Variants in TMEM132C observed in about 807,000 individuals in gnomAD.
TMEM132C encodes protein phosphatase 1, regulatory subunit 152.
A neutral mutation model predicts 61.4 loss-of-function variants in TMEM132C; 29 were observed. The observed-to-expected ratio is 0.47, with a 90% CI of 0.35 to 0.64. The LOEUF is 0.64. Ranked by LOEUF, TMEM132C falls within the 30% of genes least tolerant of loss-of-function variation. The pLI, the probability that TMEM132C is intolerant of heterozygous loss-of-function variation, is 0.00. For missense variants in TMEM132C, 1,408 were observed against 1,476.9 expected (o/e 0.95, Z 0.76); for synonymous variants, 656 against 633.1 (o/e 1.04, Z -0.54).
At chr12:128,316,729 A>T (rs1308771080) in intron 1 of TMEM132C, among the ~76,000 whole-genome samples, 1 of 152,124 alleles carries the variant, frequency 6.6e-6, no homozygotes, top group Non-Finnish European at 1.5e-5. Context: ...TTTTAATGTT[A>T]TATCACCTCA....
intron 1 of TMEM132C, among the ~76,000 whole-genome samples, chr12:128,343,442 G>T (rs1005888166): frequency 6.7e-6 from 1 of 148,374 alleles, no homozygotes; most frequent in African/African-American, 2.5e-5. Context: ...AAAAAAAGGA[G>T]CTGTCTTCTT....
At chr12:128,527,092 T>C (rs1873111802) in intron 2 of TMEM132C, among the ~76,000 whole-genome samples, 1 of 152,184 alleles carries the variant, frequency 6.6e-6, no homozygotes, top group South Asian at 2.1e-4. Context: ...ATGAAGTCTC[T>C]CTTGGTTACC....
chr12:128,485,673 T>C (rs1331467962), intron 2 of TMEM132C, among the ~76,000 whole-genome samples: 1 of 152,064 alleles, frequency 6.6e-6, no homozygotes, highest in Non-Finnish European at 1.5e-5. Flanking sequence ...ACAGCAAAGA[T>C]TCATCCATCC....
intron 2 of TMEM132C, among the ~76,000 whole-genome samples, chr12:128,524,513 T>A (rs767002629): frequency 3.9e-5 from 6 of 152,176 alleles, no homozygotes; most frequent in Non-Finnish European, 7.3e-5. Flanking sequence ...ACCTTTTTTT[T>A]CAACTAAGAA....
At chr12:128,342,879 G>C (rs543993113) in intron 1 of TMEM132C, among the ~76,000 whole-genome samples, 16 of 152,316 alleles carry the variant, frequency 1.1e-4, no homozygotes, top group African/African-American at 3.8e-4. Context: ...TGCCCTGGCT[G>C]CCTGTGCGGT....
intron 2 of TMEM132C, among the ~76,000 whole-genome samples, chr12:128,452,619 G>A (rs190960864): frequency 2.0e-5 from 3 of 151,480 alleles, no homozygotes; most frequent in Admixed American, 6.6e-5. Flanking sequence ...TAGGAGAATC[G>A]CTTGAACCCG....
intron 1 of TMEM132C, among the ~76,000 whole-genome samples, chr12:128,402,227 G>T (rs1475964264): frequency 1.3e-5 from 2 of 152,104 alleles, no homozygotes; most frequent in Non-Finnish European, 2.9e-5. Flanking sequence ...GGGTTTTTTT[G>T]TTTGTTTGTT....
At chr12:128,581,483 C>G (rs1422652185) in intron 3 of TMEM132C, among the ~76,000 whole-genome samples, 2 of 152,184 alleles carry the variant, frequency 1.3e-5, no homozygotes, top group African/African-American at 4.8e-5. Flanking sequence ...TCACAGCTCA[C>G]TTTGACTTTC....
chr12:128,672,002 G>A (rs12819870), intron 5 of TMEM132C, among the ~76,000 whole-genome samples: 16,130 of 151,976 alleles, frequency 0.11, 956 homozygotes, highest in East Asian at 0.18. Context: ...TTTTCTAATA[G>A]CCACATTCAA....
chr12:128,340,339 C>G (rs1221109034), intron 1 of TMEM132C, among the ~76,000 whole-genome samples: 2 of 152,064 alleles, frequency 1.3e-5, no homozygotes, highest in African/African-American at 4.8e-5. Context: ...TCTATCGGTG[C>G]TTCTTTCTTC....
intron 8 of TMEM132C, 143 bp downstream of exon 8, chr12:128,697,558 G>C (rs1954775457): frequency 1.1e-6 from 1 of 883,946 alleles, no homozygotes; most frequent in Non-Finnish European, 1.7e-6. Context: ...TGCAGACAAA[G>C]TGCTCATGTT....
intron 4 of TMEM132C, among the ~76,000 whole-genome samples, chr12:128,632,527 C>G (rs1954072001): frequency 6.6e-6 from 1 of 152,172 alleles, no homozygotes; most frequent in South Asian, 2.1e-4. Flanking sequence ...AGTTTCTGTG[C>G]TGACACACCT....
intron 2 of TMEM132C, among the ~76,000 whole-genome samples, chr12:128,465,242 A>G (rs1002790993): frequency 6.8e-6 from 1 of 146,430 alleles, no homozygotes; most frequent in African/African-American, 2.5e-5. Context: ...TCTGTCATCT[A>G]GGTTGGAGTG....
At chr12:128,418,966 C>T (rs1868879958) in intron 2 of TMEM132C, among the ~76,000 whole-genome samples, 1 of 151,986 alleles carries the variant, frequency 6.6e-6, no homozygotes, top group African/African-American at 2.4e-5. Context: ...CTTCGCAGGC[C>T]CCTAGATACG....
chr12:128,527,267 G>C lies in TMEM132C; in HGVS notation c.975-16690G>C, dbSNP rs551935071. 1.9e-3 allele frequency among the ~76,000 whole-genome samples: 294 copies of C among 152,292 alleles called. 2 individuals are homozygous for C. Among genetic ancestry groups the C allele is most frequent in the African/African-American group, 6.7e-3 (277 of 41,566 alleles). On this transcript the variant is annotated intron_variant, in intron 2 of 8. Coordinates refer to ENST00000435159, the MANE Select transcript of TMEM132C (RefSeq NM_001136103.3). ...CACTGGGAGTGGGGTCAAGAAAGTG[G>C]CCAGGATGTGATGCCACCCCCAGCC...
intron 2 of TMEM132C, among the ~76,000 whole-genome samples, chr12:128,500,850 T>G (rs1872149928): frequency 6.6e-6 from 1 of 152,152 alleles, no homozygotes; most frequent in South Asian, 2.1e-4. Context: ...TGCAAGAGGA[T>G]TGAAACTATA....
At chr12:128,422,117 T>C (rs554543622) in intron 2 of TMEM132C, among the ~76,000 whole-genome samples, 14 of 152,312 alleles carry the variant, frequency 9.2e-5, no homozygotes, top group African/African-American at 3.4e-4. Context: ...GTTCAAAATA[T>C]ATTGACAATG....
At chr12:128,554,904 T>C (rs1874283587) in intron 3 of TMEM132C, among the ~76,000 whole-genome samples, 1 of 152,178 alleles carries the variant, frequency 6.6e-6, no homozygotes, top group Admixed American at 6.5e-5. Context: ...ACCCAGCTTC[T>C]AGTTTGATGG....
At chr12:128,687,804 T>G (rs1954689423) in intron 5 of TMEM132C, among the ~76,000 whole-genome samples, 1 of 152,218 alleles carries the variant, frequency 6.6e-6, no homozygotes, top group African/African-American at 2.4e-5. Flanking sequence ...AAGAGGCCCC[T>G]GGGCTGCAAG....
Sources: gnomAD v4.1 joint callset for allele counts (sites outside exome capture counted in the v4.1 genomes callset) on GRCh38, gnomAD v4.1.1 for gene constraint, MANE v1.5 for transcripts, NCBI Gene and HGNC (gene_info 2026-07-23, HGNC 2026-07-21) for gene names.